The following CADPS2 variants were observed in gnomAD, a reference collection of about 807,000 sequenced individuals.
The protein encoded by CADPS2 is calcium-dependent secretion activator 2.
Under a neutral mutation model 172.5 loss-of-function variants are expected in CADPS2, and 93 were observed. The ratio of observed to expected loss-of-function variants is 0.54; its 90% CI spans 0.46 to 0.64. The LOEUF (loss-of-function observed/expected upper bound fraction) is 0.64, where lower values mean the gene tolerates loss of function less well. CADPS2 is among the 30% of genes least tolerant of loss of function. The pLI, the probability that CADPS2 is intolerant of heterozygous loss-of-function variation, is 0.00. For missense variants in CADPS2, 1,420 were observed against 1,565.9 expected (o/e 0.91, Z 1.57); for synonymous variants, 546 against 555.2 (o/e 0.98, Z 0.23).
At chr7:122,740,302 TAATTGCA>T (rs1170481427) in intron 1 of CADPS2, among the ~76,000 whole-genome samples, 1 of 152,206 alleles carries the variant, frequency 6.6e-6, no homozygotes, top group African/African-American at 2.4e-5. Flanking sequence ...GCTTTTTTCA[TAATTGCA>T]AAATTCAGTA....
At chr7:122,699,178 G>A (rs1245065736) in intron 2 of CADPS2, 2 of 364,316 alleles carry the variant, frequency 5.5e-6, no homozygotes, top group African/African-American at 4.2e-5. Context: ...ATGTGATTAT[G>A]ACATGCAAGA....
chr7:122,645,370 TAC>T (rs1202458519), intron 3 of CADPS2, among the ~76,000 whole-genome samples: 6 of 109,776 alleles, frequency 5.5e-5, no homozygotes, highest in African/African-American at 1.5e-4. Context: ...TGTACATGTA[TAC>T]ACACATATGT....
rs537640684 is a variant in CADPS2 at position 122,721,771 on chromosome 7, A to T, written c.453+15184T>A. ...AATTTTACACCAATATCCCTGATGA[A>T]AATCGATGCAAAAATCCTCAATAAA... On this transcript the variant is annotated intron_variant, in intron 2 of 29. Coordinates refer to ENST00000449022, the MANE Select transcript of CADPS2 (RefSeq NM_017954.11). Among the ~76,000 whole-genome samples, 9 of 152,308 alleles carry T rather than the reference A, an allele frequency of 5.9e-5. No homozygotes were observed. The East Asian group carries it at 1.4e-3, about 23-fold the overall frequency.
At chr7:122,493,431 G>A (rs1419909988) in intron 9 of CADPS2, among the ~76,000 whole-genome samples, 1 of 152,138 alleles carries the variant, frequency 6.6e-6, no homozygotes, top group African/African-American at 2.4e-5. Context: ...AAAGGCGCAG[G>A]TCATTGTGAA....
intron 1 of CADPS2, among the ~76,000 whole-genome samples, chr7:122,861,823 T>C (rs1312871335): frequency 1.3e-5 from 2 of 152,134 alleles, no homozygotes; most frequent in South Asian, 2.1e-4. Flanking sequence ...CAAAACAAAA[T>C]AAAACATATT....
intron 8 of CADPS2, among the ~76,000 whole-genome samples, chr7:122,527,613 A>T (rs62474626): frequency 5.6e-4 from 57 of 101,992 alleles, no homozygotes; most frequent in African/African-American, 1.6e-3. Flanking sequence ...AGAGAGAGAG[A>T]GAGAGTGTGT....
At chr7:122,570,226 A>T (rs1178865654) in intron 7 of CADPS2, among the ~76,000 whole-genome samples, 1 of 152,136 alleles carries the variant, frequency 6.6e-6, no homozygotes, top group African/African-American at 2.4e-5. Flanking sequence ...GGCAAAGGAG[A>T]TGAACAGACA....
intron 6 of CADPS2, among the ~76,000 whole-genome samples, chr7:122,595,414 G>C (rs2071605419): frequency 6.6e-6 from 1 of 152,000 alleles, no homozygotes; most frequent in Non-Finnish European, 1.5e-5. Flanking sequence ...CCAGTCATTT[G>C]GGGTTATAAA....
intron 1 of CADPS2, among the ~76,000 whole-genome samples, chr7:122,872,581 G>C (rs532268338): frequency 1.3e-4 from 19 of 151,918 alleles, no homozygotes; most frequent in Non-Finnish European, 2.5e-4. Flanking sequence ...AAGTTGTCTT[G>C]TTATATTTCA....
At chr7:122,793,303 G>T (rs1404299543) in intron 1 of CADPS2, among the ~76,000 whole-genome samples, 2 of 152,068 alleles carry the variant, frequency 1.3e-5, no homozygotes, top group African/African-American at 4.8e-5. Context: ...TATGAATCTG[G>T]GTGCTTCCAT....
At chr7:122,781,708 G>T (rs1439440165) in intron 1 of CADPS2, among the ~76,000 whole-genome samples, 2 of 151,880 alleles carry the variant, frequency 1.3e-5, no homozygotes, top group Non-Finnish European at 2.9e-5. Context: ...TTATTTCACT[G>T]ACCTACTTAT....
In CADPS2 at chr7:122,886,379, C is replaced by A; in HGVS notation, c.-42G>T. 6.8e-7 allele frequency: 1 copy of A among 1,476,458 alleles called. No individual in the cohort carries two copies. The allele number at this position is 1,476,458 out of a possible 1,614,324, so 91.5% of individuals were successfully genotyped here. ...CGCCGCTCGGCCCGCGGTCCCCAAGCGCCTCACCCCCGGCGGCTGCGCCCG... is the reference window on the plus strand; with the variant it reads ...CGCCGCTCGGCCCGCGGTCCCCAAGAGCCTCACCCCCGGCGGCTGCGCCCG... On this transcript the variant is annotated 5_prime_UTR_variant, in exon 1 of 30. Transcript: ENST00000449022.
intron 6 of CADPS2, among the ~76,000 whole-genome samples, chr7:122,594,836 C>T (rs1416782323): frequency 4.6e-5 from 7 of 151,348 alleles, no homozygotes; most frequent in Non-Finnish European, 1.0e-4. Context: ...AAATAATGTA[C>T]AAAAAAGCAC....
At chr7:122,393,131 G>A (rs190288452) in intron 22 of CADPS2, 65 bp downstream of exon 22, 29 of 1,577,212 alleles carry the variant, frequency 1.8e-5, no homozygotes, top group African/African-American at 5.4e-5. Flanking sequence ...ACACATCTGC[G>A]CAGAACACAG....
intron 1 of CADPS2, among the ~76,000 whole-genome samples, chr7:122,738,863 A>AC (rs2092326258): frequency 1.3e-5 from 2 of 151,820 alleles, no homozygotes; most frequent in South Asian, 4.1e-4. Flanking sequence ...GAAAAAAAAA[A>AC]AAAAAAAACT....
intron 7 of CADPS2, among the ~76,000 whole-genome samples, chr7:122,568,123 G>C (rs2066706141): frequency 6.6e-6 from 1 of 152,078 alleles, no homozygotes; most frequent in Non-Finnish European, 1.5e-5. Flanking sequence ...TGGGGGCTGG[G>C]CACAGTGGCT....
intron 9 of CADPS2, among the ~76,000 whole-genome samples, chr7:122,502,492 C>T (rs2059283232): frequency 6.6e-6 from 1 of 151,778 alleles, no homozygotes; most frequent in Non-Finnish European, 1.5e-5. Context: ...GTTTTAAAGA[C>T]ATAACCCATA....
intron 25 of CADPS2, among the ~76,000 whole-genome samples, chr7:122,362,912 G>A (rs907909416): frequency 6.6e-6 from 1 of 152,144 alleles, no homozygotes; most frequent in African/African-American, 2.4e-5. Flanking sequence ...CATCATTTGC[G>A]ACATGATGTA....
intron 25 of CADPS2, chr7:122,367,001 C>T (rs1405384890): frequency 6.6e-6 from 1 of 152,086 alleles, no homozygotes; most frequent in African/African-American, 2.4e-5. Flanking sequence ...TTCATTGTTC[C>T]TCCACAAATA....
Sources: gnomAD v4.1 joint callset for allele counts (sites outside exome capture counted in the v4.1 genomes callset) on GRCh38, gnomAD v4.1.1 for gene constraint, MANE v1.5 for transcripts, NCBI Gene and HGNC (gene_info 2026-07-23, HGNC 2026-07-21) for gene names.